Variants in UST observed in about 807,000 individuals in gnomAD.
UST encodes chondroitin sulfate 2-O-sulfotransferase.
In UST, 21 loss-of-function variants were observed where a neutral mutation model predicts 45.6. That is an observed-to-expected ratio of 0.46 (90% CI 0.33 to 0.66). The LOEUF (loss-of-function observed/expected upper bound fraction) is 0.66. UST is among the 30% of genes least tolerant of loss of function. UST has a pLI of 0.02. For missense variants in UST, 463 were observed against 512.4 expected (o/e 0.90, Z 0.93); for synonymous variants, 215 against 200.6 (o/e 1.07, Z -0.61).
At chr6:148,947,035 T>C (rs1780259517) in intron 3 of UST, among the ~76,000 whole-genome samples, 1 of 151,370 alleles carries the variant, frequency 6.6e-6, no homozygotes, top group African/African-American at 2.4e-5. Flanking sequence ...GAAGGAGGAA[T>C]AAGTGTGTAC....
At chr6:148,833,143 T>C (rs1161687740) in intron 1 of UST, among the ~76,000 whole-genome samples, 1 of 152,210 alleles carries the variant, frequency 6.6e-6, no homozygotes, top group East Asian at 1.9e-4. Context: ...TAGGGTATAA[T>C]GAAACAGTTA....
intron 7 of UST, among the ~76,000 whole-genome samples, chr6:149,034,892 C>G (rs946652374): frequency 3.0e-5 from 2 of 65,836 alleles, no homozygotes; most frequent in East Asian, 4.4e-4. Flanking sequence ...CTCTCTCTCT[C>G]TCTCCTTGGA....
In UST at chr6:148,875,078, A is replaced by C. The variant is rs148118514; in HGVS notation, c.248-11908A>C. The stretch of plus-strand genomic sequence containing the variant: ...TAAATTGCTTATGATTATGATTTGA[A>C]AAGGACCTGTGGAAGAAAGATTCTG... On this transcript the variant is annotated intron_variant, in intron 1 of 7. Transcript: ENST00000367463. Among the ~76,000 whole-genome samples, 15 of 152,372 alleles carry C rather than the reference A, an allele frequency of 9.8e-5. No homozygotes were observed. The East Asian group carries it at 2.9e-3, about 29-fold the overall frequency.
At chr6:148,758,812 A>T (rs1228966029) in intron 1 of UST, among the ~76,000 whole-genome samples, 1 of 152,230 alleles carries the variant, frequency 6.6e-6, no homozygotes, top group African/African-American at 2.4e-5. Flanking sequence ...GAGCAGTTGA[A>T]GGCAAATGCT....
At chr6:148,990,294 C>G (rs1781323545) in intron 5 of UST, 1 of 671,184 alleles carries the variant, frequency 1.5e-6, no homozygotes, top group Non-Finnish European at 1.8e-6. Flanking sequence ...TAAACAGGAA[C>G]TGGTTTTATA....
At chr6:148,849,838 A>T (rs1040249801) in intron 1 of UST, among the ~76,000 whole-genome samples, 20 of 152,320 alleles carry the variant, frequency 1.3e-4, no homozygotes, top group African/African-American at 4.8e-4. Context: ...GGGGACACAG[A>T]GCCAAACCGT....
intron 1 of UST, among the ~76,000 whole-genome samples, chr6:148,773,710 A>G (rs758492505): frequency 6.6e-6 from 1 of 152,218 alleles, no homozygotes; most frequent in East Asian, 1.9e-4. Flanking sequence ...ACTGAACAAA[A>G]GGACAGTGTG....
At chr6:148,855,611 G>A (rs954373781) in intron 1 of UST, among the ~76,000 whole-genome samples, 2 of 152,176 alleles carry the variant, frequency 1.3e-5, no homozygotes, top group African/African-American at 4.8e-5. Context: ...ATCCAAGGAA[G>A]GTGGGGATGA....
chr6:148,995,164 A>G (rs1002123521), intron 5 of UST, among the ~76,000 whole-genome samples: 2 of 152,180 alleles, frequency 1.3e-5, no homozygotes, highest in African/African-American at 2.4e-5. Context: ...AGCTGGAATT[A>G]TAGGCACGCA....
chr6:148,993,312 G>A (rs1422685654), intron 5 of UST, among the ~76,000 whole-genome samples: 2 of 151,972 alleles, frequency 1.3e-5, no homozygotes, highest in South Asian at 2.1e-4. Context: ...GGCACCATCT[G>A]CATAATAGTC....
intron 5 of UST, among the ~76,000 whole-genome samples, chr6:149,011,125 T>A (rs1400366191): frequency 6.6e-6 from 1 of 152,118 alleles, no homozygotes; most frequent in African/African-American, 2.4e-5. Flanking sequence ...GCCATAAAAA[T>A]GAATGAGATC....
intron 4 of UST, chr6:148,955,523 TG>T (rs1217220354): frequency 6.6e-6 from 1 of 152,230 alleles, no homozygotes; most frequent in Non-Finnish European, 1.5e-5. Context: ...GGCCAGGTGC[TG>T]GGCAGCTAGG....
At chr6:148,760,686 G>T (rs946242721) in intron 1 of UST, among the ~76,000 whole-genome samples, 5 of 150,816 alleles carry the variant, frequency 3.3e-5, no homozygotes, top group African/African-American at 9.8e-5. Flanking sequence ...AAGCTCAACA[G>T]TAACACCCCA....
At chr6:149,020,965 T>G (rs1775969610) in intron 6 of UST, among the ~76,000 whole-genome samples, 1 of 152,240 alleles carries the variant, frequency 6.6e-6, no homozygotes, top group Admixed American at 6.5e-5. Flanking sequence ...TTGGTTCAGT[T>G]TGGTCCTCCT....
intron 1 of UST, among the ~76,000 whole-genome samples, chr6:148,870,297 C>G (rs1471352408): frequency 6.6e-6 from 1 of 152,156 alleles, no homozygotes; most frequent in Non-Finnish European, 1.5e-5. Flanking sequence ...CAGTGCCCTC[C>G]TGACCCCTGG....
chr6:149,018,521 A>G (rs2115018588), intron 5 of UST, among the ~76,000 whole-genome samples: 1 of 152,322 alleles, frequency 6.6e-6, no homozygotes, highest in South Asian at 2.1e-4. Context: ...AAGCTCTGGT[A>G]ACGCCCTCAG....
At chr6:148,848,656 T>C (rs373764247) in intron 1 of UST, among the ~76,000 whole-genome samples, 178 of 142,456 alleles carry the variant, frequency 1.2e-3, no homozygotes, top group African/African-American at 4.4e-3. Context: ...GGTGACAGAG[T>C]GAGACTCCAT....
chr6:148,908,878 T>A (rs1411675774), intron 2 of UST, among the ~76,000 whole-genome samples: 1 of 152,212 alleles, frequency 6.6e-6, no homozygotes, highest in East Asian at 1.9e-4. Flanking sequence ...ATCCATTTAT[T>A]GGAGGTCTGA....
chr6:148,943,674 C>G (rs766266989), intron 3 of UST, among the ~76,000 whole-genome samples: 1 of 152,122 alleles, frequency 6.6e-6, no homozygotes, highest in Non-Finnish European at 1.5e-5. Context: ...CTTTCCAGCC[C>G]TGTGATTCTG....
Sources: allele counts gnomAD v4.1 joint callset (sites outside exome capture counted in the v4.1 genomes callset), GRCh38; gene constraint gnomAD v4.1.1; transcripts MANE v1.5; gene names NCBI Gene and HGNC (gene_info 2026-07-23, HGNC 2026-07-21).